GPLD1: variants seen among roughly 807,000 people sequenced by gnomAD.
GPLD1 encodes phosphatidylinositol-glycan-specific phospholipase D.
GPLD1 carries 84 observed loss-of-function variants against 112.6 expected under a neutral mutation model. That is an observed-to-expected ratio of 0.75 (90% CI 0.63 to 0.89). GPLD1 has a LOEUF of 0.89. Ranked by LOEUF, GPLD1 falls within the 40% of genes least tolerant of loss-of-function variation. The pLI, the probability that GPLD1 is intolerant of heterozygous loss-of-function variation, is 0.00. For missense variants in GPLD1, 1,044 were observed against 1,051.5 expected (o/e 0.99, Z 0.10); for synonymous variants, 386 against 403.8 (o/e 0.96, Z 0.53).
At chr6:24,444,249 G>A (rs1762838794) in intron 20 of GPLD1, among the ~76,000 whole-genome samples, 1 of 151,946 alleles carries the variant, frequency 6.6e-6, no homozygotes, top group South Asian at 2.1e-4. Context: ...GTAAATGCTG[G>A]CATTAAAAAA....
At chr6:24,433,667 G>C (rs564804633) in intron 22 of GPLD1, 5 of 309,916 alleles carry the variant, frequency 1.6e-5, no homozygotes, top group Non-Finnish European at 2.4e-5. Flanking sequence ...TAATTTTTTT[G>C]TATTTTTAGT....
chr6:24,445,417 A>C (rs1252474791), intron 20 of GPLD1, 129 bp downstream of exon 20: 3 of 643,556 alleles, frequency 4.7e-6, no homozygotes, highest in East Asian at 5.4e-5. Context: ...ACAGAATGTT[A>C]TTAATGAAAA....
chr6:24,442,728 G>A (rs1479812695), intron 20 of GPLD1, among the ~76,000 whole-genome samples: 4 of 150,134 alleles, frequency 2.7e-5, no homozygotes, highest in Non-Finnish European at 5.9e-5. Context: ...ACAGGCATGA[G>A]CCACTGCGCC....
intron 10 of GPLD1, among the ~76,000 whole-genome samples, chr6:24,466,372 G>C (rs984974495): frequency 2.0e-5 from 3 of 152,022 alleles, no homozygotes; most frequent in African/African-American, 7.2e-5. Flanking sequence ...GAAACAAATG[G>C]AGCACCACCT....
At chr6:24,433,940 A>C (rs1343394517) in intron 22 of GPLD1, among the ~76,000 whole-genome samples, 1 of 152,206 alleles carries the variant, frequency 6.6e-6, no homozygotes, top group African/African-American at 2.4e-5. Context: ...AAACAATGAA[A>C]ATTGGAAATG....
At position 24,427,569 on chromosome 6, in the gene GPLD1, G is replaced by A. The variant is rs1336203543; in HGVS notation, c.*1463C>T. ...CTCATTAAGAAAGGATTATCGGCCA[G>A]GTCCTGTGGCTCACACATGTAATCC... On this transcript the variant is annotated 3_prime_UTR_variant, in exon 25 of 25. Transcript: ENST00000230036. Among the ~76,000 whole-genome samples the A allele has an allele frequency of 1.3e-5, 2 of 152,160 alleles. No homozygotes were observed. The highest frequency in any genetic ancestry group is 4.8e-5 in the African/African-American group (2 of 41,440).
exon 1 of GPLD1, chr6:24,494,980 C>G (rs754410581): frequency 3.8e-6 from 5 of 1,311,374 alleles, no homozygotes; most frequent in African/African-American, 3.0e-5. Flanking sequence ...TTTCCTGTCG[C>G]CGTCGTTGCC....
chr6:24,464,947 C>G (rs1187217000), intron 10 of GPLD1, among the ~76,000 whole-genome samples: 3 of 152,132 alleles, frequency 2.0e-5, no homozygotes, highest in Non-Finnish European at 2.9e-5. Flanking sequence ...AATCTCAGCA[C>G]TTTGGGAGAC....
intron 13 of GPLD1, among the ~76,000 whole-genome samples, 157 bp from the exon 14 acceptor site, chr6:24,454,358 T>C (rs1429995908): frequency 6.6e-6 from 1 of 152,386 alleles, no homozygotes; most frequent in East Asian, 1.9e-4. Flanking sequence ...TCAGGTTGTA[T>C]TGTTAGTGTG....
chr6:24,491,447 C>T (rs539424170), upstream of GPLD1, among the ~76,000 whole-genome samples: 89 of 152,216 alleles, frequency 5.8e-4, no homozygotes, highest in Middle Eastern at 6.8e-3. Flanking sequence ...GCCTATAATC[C>T]CAGCACTTTA....
At chr6:24,425,468 T>A (rs532895713), downstream of GPLD1, 9 of 152,364 alleles carry the variant, frequency 5.9e-5, no homozygotes, top group South Asian at 1.7e-3. Flanking sequence ...TTTTATAGAA[T>A]TTCTGAAGGT....
chr6:24,441,767 T>C (rs1225643429), intron 20 of GPLD1, among the ~76,000 whole-genome samples: 1 of 152,212 alleles, frequency 6.6e-6, no homozygotes, highest in Non-Finnish European at 1.5e-5. Context: ...CATGTTGTCC[T>C]GTCTCTGACT....
intron 20 of GPLD1, among the ~76,000 whole-genome samples, chr6:24,441,147 A>T (rs1762734078): frequency 3.5e-5 from 1 of 28,392 alleles, no homozygotes; most frequent in African/African-American, 7.6e-5. Context: ...TACTAAAAAT[A>T]AAAAAAAAAA....
chr6:24,429,253 C>T lies in GPLD1; in HGVS notation c.2437-135G>A, dbSNP rs1180052864. The stretch of plus-strand genomic sequence containing the variant: ...CTGGCCAGATCCCCTGGCTTGAACT[C>T]AAATGCCACTTTCCCTTTGTTTACA... On this transcript the variant is annotated intron_variant, in intron 24 of 24. Coordinates refer to ENST00000230036, the MANE Select transcript of GPLD1 (RefSeq NM_001503.4). 5.7e-6 allele frequency: 3 copies of T among 523,560 alleles called. No homozygotes were observed. In the African/African-American group the frequency reaches 5.8e-5, roughly 10 times the overall value. 32.4% of individuals were successfully genotyped at this position (523,560 alleles called of 1,614,324 possible).
At chr6:24,476,409 T>C (rs1581780586) in intron 3 of GPLD1, 131 bp from the exon 4 acceptor site, 3 of 594,168 alleles carry the variant, frequency 5.0e-6, no homozygotes, top group East Asian at 5.7e-5. Context: ...GTTTCTTCTG[T>C]CGACTTTCAA....
chr6:24,453,087 C>G (rs950408954), intron 14 of GPLD1, among the ~76,000 whole-genome samples: 5 of 152,044 alleles, frequency 3.3e-5, no homozygotes, highest in African/African-American at 1.2e-4. Flanking sequence ...CTAGCGCTCT[C>G]GGGAGGAATT....
rs547021984 is a variant in GPLD1 at position 24,449,940 on chromosome 6, G to A, written c.1336-41C>T. ...TTTACTTCCCCTGGGCTGAGCCACG[G>A]CCTCGGAAAGAGCACTCCTGACCCC... On this transcript the variant is annotated intron_variant, in intron 14 of 24. Coordinates refer to ENST00000230036, the MANE Select transcript of GPLD1 (RefSeq NM_001503.4). 4.8e-3 allele frequency: 6,779 copies of A among 1,412,266 alleles called. 40 individuals are homozygous for A. Among genetic ancestry groups the A allele is most frequent in the Non-Finnish European group, 5.1e-3 (5,101 of 1,004,344 alleles). The allele number at this position is 1,412,266 out of a possible 1,614,324, so 87.5% of individuals were successfully genotyped here.
upstream of GPLD1, among the ~76,000 whole-genome samples, chr6:24,493,509 A>C (rs1302494089): frequency 6.6e-6 from 1 of 151,894 alleles, no homozygotes; most frequent in African/African-American, 2.4e-5. Flanking sequence ...AACAAAAACC[A>C]CCACCAAAAA....
At chr6:24,492,658 T>C (rs922280441), upstream of GPLD1, among the ~76,000 whole-genome samples, 9 of 152,002 alleles carry the variant, frequency 5.9e-5, no homozygotes, top group Non-Finnish European at 1.3e-4. Flanking sequence ...CTGATGGTCT[T>C]GTCCTTGTAG....
Sources: allele counts gnomAD v4.1 joint callset (sites outside exome capture counted in the v4.1 genomes callset), GRCh38; gene constraint gnomAD v4.1.1; transcripts MANE v1.5; gene names NCBI Gene and HGNC (gene_info 2026-07-23, HGNC 2026-07-21).